NUP98: variants seen among roughly 807,000 people sequenced by gnomAD.
The protein encoded by NUP98 is nuclear pore complex protein Nup98-Nup96.
NUP98 carries 26 observed loss-of-function variants against 191.9 expected under a neutral mutation model. The ratio of observed to expected loss-of-function variants is 0.14; its 90% confidence interval spans 0.10 to 0.19. The LOEUF (loss-of-function observed/expected upper bound fraction) is 0.19. Among genes scored for constraint, NUP98 ranks in the 10% least tolerant of loss-of-function variants. The pLI, the probability that NUP98 is intolerant of heterozygous loss-of-function variation, is 1.00. For missense variants in NUP98, 1,941 were observed against 2,178.8 expected, an observed-to-expected ratio of 0.89 and a Z score of 2.17; for synonymous variants, 808 against 778.4, an observed-to-expected ratio of 1.04 and a Z score of -0.63.
chr11:3,704,528 A>C (rs1256697565), intron 22 of NUP98, among the ~76,000 whole-genome samples: 1 of 152,256 alleles, frequency 6.6e-6, no homozygotes, highest in African/African-American at 2.4e-5. Flanking sequence ...GGACTGCACA[A>C]AACAAGTATA....
In NUP98 at chr11:3,725,083, C is replaced by CA. The variant is rs2079565011; in HGVS notation, c.1847+19dup. ...CTATAACTCTCTACTAAGAAGAACT[C>CA]AAAACAGAATTCAGTGTACCTCTCT... On this transcript the variant is annotated intron_variant, in intron 15 of 32. Transcript: ENST00000324932. The CA allele has an allele frequency of 4.5e-6, 5 of 1,116,684 alleles. No homozygotes were observed. The Admixed American group carries it at 9.2e-5, about 21-fold the overall frequency. The allele number at this position is 1,116,684 out of a possible 1,614,324, so 69.2% of individuals were successfully genotyped here. A position where few individuals can be genotyped will look rare whatever the true frequency, so the allele number is the denominator to read the frequency against.
intron 10 of NUP98, among the ~76,000 whole-genome samples, chr11:3,754,919 A>C: frequency 7.3e-6 from 1 of 137,852 alleles, no homozygotes; most frequent in East Asian, 2.2e-4. Flanking sequence ...TCCAGCCTAG[A>C]CGACATAGCG....
chr11:3,696,392 C>G (rs2078505729), intron 25 of NUP98, among the ~76,000 whole-genome samples: 1 of 151,688 alleles, frequency 6.6e-6, no homozygotes, highest in South Asian at 2.1e-4. Flanking sequence ...GTCCCAGCTA[C>G]TCAAGAGGCT....
chr11:3,750,134 T>C (rs867046965), intron 11 of NUP98, among the ~76,000 whole-genome samples: 22 of 152,332 alleles, frequency 1.4e-4, no homozygotes, highest in Admixed American at 3.9e-4. Context: ...AATGGAATAC[T>C]AAATAATTTT....
chr11:3,782,212 T>C, intron 1 of NUP98, 67 bp from the exon 2 acceptor site: 2 of 868,790 alleles, frequency 2.3e-6, no homozygotes, highest in Non-Finnish European at 3.6e-6. Flanking sequence ...TTTTAGAAAA[T>C]CTATCATTCC....
At chr11:3,796,672 T>C (rs1269656028) in intron 1 of NUP98, among the ~76,000 whole-genome samples, 1 of 151,978 alleles carries the variant, frequency 6.6e-6, no homozygotes, top group Non-Finnish European at 1.5e-5. Context: ...CCAGGGAGGG[T>C]GAGGTAGTAG....
chr11:3,709,284 T>C (rs1590002347), intron 20 of NUP98, among the ~76,000 whole-genome samples: 1 of 152,190 alleles, frequency 6.6e-6, no homozygotes, highest in African/African-American at 2.4e-5. Flanking sequence ...GGCTTATACC[T>C]GTAATTCCAG....
At chr11:3,721,860 G>C (rs1000888212) in intron 16 of NUP98, among the ~76,000 whole-genome samples, 1 of 152,174 alleles carries the variant, frequency 6.6e-6, no homozygotes, top group Non-Finnish European at 1.5e-5. Context: ...CCTACTTGTA[G>C]TCAGATATAA....
In NUP98 at chr11:3,723,414, T is replaced by C; in HGVS notation, c.1889A>G (p.Gln630Arg). Reference sequence around the variant, plus strand: ...AACAAGGGAATCTTCATCTCCATCCTGCTGGTGATTCTCATCAACAGGTTT... The same window carrying C: ...AACAAGGGAATCTTCATCTCCATCCCGCTGGTGATTCTCATCAACAGGTTT... ...LSKPVDENHQ[Q>R]DGDEDSLVSH... The change falls in exon 16 of 33, where the codon CAG becomes CGG. Residue 630 changes from glutamine to arginine, a missense_variant. Gln to Arg is a conservative substitution (Grantham distance 43). Transcript: ENST00000324932. 1 of 1,614,168 alleles carries C rather than the reference T, an allele frequency of 6.2e-7. No individual in the cohort carries two copies. Among genetic ancestry groups the C allele is most frequent in the Non-Finnish European group, 8.5e-7 (1 of 1,180,004 alleles).
At chr11:3,738,107 A>AAAAAAAAAAAACAAAAAAAAACC (rs1554894745) in intron 12 of NUP98, among the ~76,000 whole-genome samples, 1 of 147,570 alleles carries the variant, frequency 6.8e-6, no homozygotes, top group Non-Finnish European at 1.5e-5. Flanking sequence ...AAAAAAAAAA[A>AAAAAAAAAAAACAAAAAAAAACC]CCAAAGACTT....
chr11:3,783,266 T>C (rs2082035677), intron 1 of NUP98, among the ~76,000 whole-genome samples: 1 of 151,836 alleles, frequency 6.6e-6, no homozygotes, highest in African/African-American at 2.4e-5. Flanking sequence ...CACGGGACTG[T>C]AGTCCCAGCT....
chr11:3,695,070 A>G (rs1673653666), intron 26 of NUP98, among the ~76,000 whole-genome samples: 1 of 152,176 alleles, frequency 6.6e-6, no homozygotes, highest in Non-Finnish European at 1.5e-5. Context: ...GGCTCAGGTG[A>G]GAGGATCACT....
chr11:3,797,524 T>G lies in NUP98; in HGVS notation c.-153A>C, dbSNP rs971748882. On this transcript the variant is annotated 5_prime_UTR_variant, in exon 1 of 33. Transcript: ENST00000324932. ...TACCACCCCTGCCACCGACCGCCGC[T>G]TCGGGCGCAGCGCGCAGAGGGCCCG... 2.3e-6 allele frequency: 1 copy of G among 442,682 alleles called. No individual in the cohort carries two copies. The highest frequency in any genetic ancestry group is 4.0e-6 in the Non-Finnish European group (1 of 251,930). The allele number at this position is 442,682 out of a possible 1,614,324, so 27.4% of individuals were successfully genotyped here.
chr11:3,727,124 G>T (rs2079650002), intron 14 of NUP98, among the ~76,000 whole-genome samples: 1 of 152,074 alleles, frequency 6.6e-6, no homozygotes, highest in Non-Finnish European at 1.5e-5. Flanking sequence ...TCTCCAGTTT[G>T]TTCATGAGGT....
intron 12 of NUP98, among the ~76,000 whole-genome samples, chr11:3,740,833 T>C (rs1205884072): frequency 1.3e-5 from 2 of 151,150 alleles, no homozygotes; most frequent in Non-Finnish European, 3.0e-5. Context: ...TATTTTTTTT[T>C]TTGGAGACAG....
At chr11:3,722,435 CT>C in intron 16 of NUP98, among the ~76,000 whole-genome samples, 1 of 151,608 alleles carries the variant, frequency 6.6e-6, no homozygotes. Flanking sequence ...GTATAAACTT[CT>C]TTCCTTATGA....
At chr11:3,745,891 A>G (rs1202853723) in intron 11 of NUP98, among the ~76,000 whole-genome samples, 1 of 152,232 alleles carries the variant, frequency 6.6e-6, no homozygotes, top group Non-Finnish European at 1.5e-5. Context: ...AAAAGAACAG[A>G]AAGTTTATAC....
At chr11:3,690,039 A>C (rs2078261366) in intron 28 of NUP98, among the ~76,000 whole-genome samples, 1 of 143,870 alleles carries the variant, frequency 7.0e-6, no homozygotes, top group East Asian at 2.0e-4. Context: ...GCAACCTCCA[A>C]CTCCCAGGTT....
At chr11:3,776,054 A>G in intron 4 of NUP98, 33 bp from the exon 5 acceptor site, 1 of 1,555,544 alleles carries the variant, frequency 6.4e-7, no homozygotes, top group Non-Finnish European at 8.8e-7. Flanking sequence ...AGACGATAAC[A>G]GTAAGAAATT....
Sources: gnomAD v4.1 joint callset for allele counts (sites outside exome capture counted in the v4.1 genomes callset) on GRCh38, gnomAD v4.1.1 for gene constraint, MANE v1.5 for transcripts, NCBI Gene and HGNC (gene_info 2026-07-23, HGNC 2026-07-21) for gene names.